Variants in BCAS3 observed in about 807,000 individuals in gnomAD.
BCAS3 encodes BCAS3 microtubule associated cell migration factor.
In BCAS3, 53 loss-of-function variants were observed where a neutral mutation model predicts 116.1. The observed-to-expected ratio is 0.46, with a 90% CI of 0.37 to 0.57. BCAS3 has a LOEUF of 0.57. BCAS3 is among the 20% of genes least tolerant of loss of function. The pLI is 0.00. For missense variants in BCAS3, 917 were observed against 1,165.4 expected (o/e 0.79, Z 3.10); for synonymous variants, 391 against 408.2 (o/e 0.96, Z 0.51).
chr17:61,332,879 G>A lies in BCAS3; in HGVS notation c.2426-35448G>A, dbSNP rs1446619649. Among the ~76,000 whole-genome samples the A allele has an allele frequency of 6.6e-6, 1 of 152,224 alleles. No homozygotes were observed. The highest frequency in any genetic ancestry group is 1.5e-5 in the Non-Finnish European group (1 of 68,038). ...GATCTGCCCGCCTTGGCCTCCCAAA[G>A]TGCTGGGATTATAGGCGTGAGCCAT... On this transcript the variant is annotated intron_variant, in intron 22 of 23. Coordinates refer to ENST00000407086, the MANE Select transcript of BCAS3 (RefSeq NM_017679.5). The surrounding 1 kb of genome is among the most constrained non-coding windows in gnomAD (Gnocchi z 5.4).
intron 12 of BCAS3, among the ~76,000 whole-genome samples, chr17:60,917,606 T>TA (rs2058839361): frequency 6.6e-6 from 1 of 152,134 alleles, no homozygotes; most frequent in African/African-American, 2.4e-5. Context: ...TTTTTTTTTT[T>TA]TTATTGAAAT....
At chr17:60,754,597 TTC>T (rs2042812143) in intron 6 of BCAS3, among the ~76,000 whole-genome samples, 1 of 152,146 alleles carries the variant, frequency 6.6e-6, no homozygotes, top group Non-Finnish European at 1.5e-5. Context: ...CTGGTGTATA[TTC>T]TGTTTCCTTC....
At position 61,008,805 on chromosome 17, in the gene BCAS3, TAA is replaced by T. The variant is rs1234240176; in HGVS notation, c.1487-6944_1487-6943del. ...CATCTACATGATGTCTTAGAATAGG[TAA>T]AGTGTTGCAAAGAGGGCAAAAATAA... On this transcript the variant is annotated intron_variant, in intron 15 of 23. Transcript: ENST00000407086. The surrounding 1 kb of genome is among the most constrained non-coding windows in gnomAD (Gnocchi z 4.6). Among the ~76,000 whole-genome samples the T allele has an allele frequency of 8.6e-5, 13 of 151,932 alleles. No individual in the cohort carries two copies. The highest frequency in any genetic ancestry group is 2.9e-5 in the Non-Finnish European group (2 of 67,938).
At chr17:60,814,452 C>G (rs1226958050) in intron 7 of BCAS3, among the ~76,000 whole-genome samples, 2 of 151,822 alleles carry the variant, frequency 1.3e-5, no homozygotes, top group Non-Finnish European at 2.9e-5. Context: ...GTTCTAGAAG[C>G]CTTTTGGTGG....
chr17:60,750,178 A>G (rs1568163729), intron 6 of BCAS3, among the ~76,000 whole-genome samples: 1 of 152,226 alleles, frequency 6.6e-6, no homozygotes, highest in East Asian at 1.9e-4. Context: ...AAAAAAAAAA[A>G]GAAAATTAAT....
chr17:61,327,632 C>T lies in BCAS3; in HGVS notation c.2426-40695C>T, dbSNP rs1183817953. 2.0e-5 allele frequency among the ~76,000 whole-genome samples: 3 copies of T among 152,100 alleles called. No individual in the cohort carries two copies. The highest frequency in any genetic ancestry group is 4.4e-5 in the Non-Finnish European group (3 of 68,028). On this transcript the variant is annotated intron_variant, in intron 22 of 23. Transcript: ENST00000407086. This position sits in a 1 kb window ranked among gnomAD's most constrained non-coding sequence, Gnocchi z 5.9. ...TCAAGACATTCTCCTGCCTCAGCCTCCCGAGTAGCTGGGATTACAGGCATG... is the reference window on the plus strand; with the variant it reads ...TCAAGACATTCTCCTGCCTCAGCCTTCCGAGTAGCTGGGATTACAGGCATG...
At chr17:61,003,471 T>A (rs1242139994) in intron 15 of BCAS3, among the ~76,000 whole-genome samples, 1 of 150,310 alleles carries the variant, frequency 6.7e-6, no homozygotes, top group African/African-American at 2.5e-5. Context: ...TTTGCCTTTT[T>A]AAATCGAGAC....
At chr17:60,708,919 A>T (rs372640264) in intron 4 of BCAS3, among the ~76,000 whole-genome samples, 226 of 152,206 alleles carry the variant, frequency 1.5e-3, no homozygotes, top group African/African-American at 5.2e-3. Context: ...TCGTCCTCTC[A>T]AAATACTGGG....
chr17:61,372,523 A>G (rs973457636), intron 23 of BCAS3, among the ~76,000 whole-genome samples: 1 of 152,184 alleles, frequency 6.6e-6, no homozygotes, highest in African/African-American at 2.4e-5. Flanking sequence ...CCACATGTCT[A>G]CGAACTGAAT....
intron 22 of BCAS3, among the ~76,000 whole-genome samples, chr17:61,147,977 ACT>A (rs1403241363): frequency 3.1e-4 from 20 of 64,546 alleles, no homozygotes; most frequent in African/African-American, 7.2e-4. Flanking sequence ...CAAGAGTGAA[ACT>A]CTGTCTCAGA....
intron 22 of BCAS3, among the ~76,000 whole-genome samples, chr17:61,096,625 T>C (rs1234781721): frequency 6.6e-6 from 1 of 152,242 alleles, no homozygotes; most frequent in East Asian, 1.9e-4. Context: ...TAGTAGAATC[T>C]CTTGGATTTT....
At chr17:61,035,582 CA>C (rs61144658) in intron 17 of BCAS3, among the ~76,000 whole-genome samples, 337 of 65,302 alleles carry the variant, frequency 5.2e-3, no homozygotes, top group Middle Eastern at 0.023. Context: ...GACTCCATCT[CA>C]AAAAAAAAAA....
intron 7 of BCAS3, among the ~76,000 whole-genome samples, chr17:60,837,982 T>C (rs962286826): frequency 6.6e-6 from 1 of 152,156 alleles, no homozygotes; most frequent in Non-Finnish European, 1.5e-5. Flanking sequence ...CAATTTTAAA[T>C]TAAAATTTAA....
chr17:61,046,070 AT>A (rs1390651381), intron 19 of BCAS3, among the ~76,000 whole-genome samples: 417 of 28,144 alleles, frequency 0.015, 5 homozygotes, highest in Middle Eastern at 0.03. Context: ...TATATATATA[AT>A]ATATATATAT....
rs553917749 is a variant in BCAS3 at position 61,100,369 on chromosome 17, T to C, written c.2425+15805T>C. Reference sequence around the variant, plus strand: ...CCTCAAATTAGAGTTTTTATAGCCATGAGAGGGACCCAGTTCCTGAATCAG... The same window carrying C: ...CCTCAAATTAGAGTTTTTATAGCCACGAGAGGGACCCAGTTCCTGAATCAG... On this transcript the variant is annotated intron_variant, in intron 22 of 23. Coordinates refer to ENST00000407086, the MANE Select transcript of BCAS3 (RefSeq NM_017679.5). Among the ~76,000 whole-genome samples the C allele has an allele frequency of 1.1e-3, 163 of 152,294 alleles. 1 individual carries two copies. Among genetic ancestry groups the C allele is most frequent in the African/African-American group, 3.8e-3 (158 of 41,566 alleles).
Position 61,362,949 on chromosome 17 carries a change from C to G in BCAS3, c.2426-5378C>G, listed in dbSNP as rs895424031. On this transcript the variant is annotated intron_variant, in intron 22 of 23. Transcript: ENST00000407086. The surrounding 1 kb of genome is among the most constrained non-coding windows in gnomAD (Gnocchi z 4.4). ...AGATATTCAGGCTCTGGTACCCCAC[C>G]CAAAGGGTGTTGACTGCAAACTGAC... The G allele has an allele frequency of 6.6e-6, 1 of 152,156 alleles. No homozygotes were observed. Among genetic ancestry groups the G allele is most frequent in the Non-Finnish European group, 1.5e-5 (1 of 68,046 alleles). The allele number at this position is 152,156 out of a possible 1,614,324, so 9.4% of individuals were successfully genotyped here.
At position 61,105,865 on chromosome 17, in the gene BCAS3, T is replaced by C. The variant is rs2074612929; in HGVS notation, c.2425+21301T>C. Reference sequence around the variant, plus strand: ...TTGGTTAAATTCATTTGTCACATATTGGTGTTTTATTTAAAATATTGTCCA... The same window carrying C: ...TTGGTTAAATTCATTTGTCACATATCGGTGTTTTATTTAAAATATTGTCCA... On this transcript the variant is annotated intron_variant, in intron 22 of 23. Coordinates refer to ENST00000407086, the MANE Select transcript of BCAS3 (RefSeq NM_017679.5). This position sits in a 1 kb window ranked among gnomAD's most constrained non-coding sequence, Gnocchi z 4.3. 6.6e-6 allele frequency among the ~76,000 whole-genome samples: 1 copy of C among 152,216 alleles called. No individual in the cohort carries two copies. The highest frequency in any genetic ancestry group is 2.1e-4 in the South Asian group (1 of 4,832).
chr17:60,735,105 T>C (rs573104603), intron 5 of BCAS3, among the ~76,000 whole-genome samples: 69 of 152,232 alleles, frequency 4.5e-4, no homozygotes, highest in Non-Finnish European at 8.8e-4. Flanking sequence ...TAATGTATTT[T>C]TAAATTTCAA....
intron 7 of BCAS3, among the ~76,000 whole-genome samples, chr17:60,864,602 C>T (rs1431388565): frequency 6.6e-6 from 1 of 152,190 alleles, no homozygotes; most frequent in Non-Finnish European, 1.5e-5. Flanking sequence ...TCCATATCGG[C>T]AATAAGCCTG....
Sources: gnomAD v4.1 joint callset for allele counts (sites outside exome capture counted in the v4.1 genomes callset) on GRCh38, gnomAD v4.1.1 for gene constraint, Gnocchi (gnomAD v3.1) non-coding constraint, MANE v1.5 for transcripts, NCBI Gene and HGNC (gene_info 2026-07-23, HGNC 2026-07-21) for gene names.